The following DCAF10 variants were observed in gnomAD, a reference collection of about 807,000 sequenced individuals.
DCAF10 encodes DDB1 and CUL4 associated factor 10.
DCAF10 carries 19 observed loss-of-function variants against 51.9 expected under a neutral mutation model. That is an observed-to-expected ratio of 0.37 (90% CI 0.26 to 0.54). The LOEUF (loss-of-function observed/expected upper bound fraction) is 0.54. Ranked by LOEUF, DCAF10 falls within the 20% of genes least tolerant of loss-of-function variation. DCAF10 has a pLI of 0.87. For synonymous variants in DCAF10, 291 were observed against 297.1 expected (o/e 0.98, Z 0.21); for missense variants, 510 against 730.6 (o/e 0.70, Z 3.48).
intron 3 of DCAF10, among the ~76,000 whole-genome samples, chr9:37,849,663 A>G (rs1313650650): frequency 1.3e-5 from 2 of 152,250 alleles, no homozygotes; most frequent in South Asian, 2.1e-4. Flanking sequence ...TGGGCAGATC[A>G]TGAGGTCAGG....
chr9:37,825,012 ATCAAGCAG>A (rs1829810617), intron 2 of DCAF10, among the ~76,000 whole-genome samples: 1 of 152,196 alleles, frequency 6.6e-6, no homozygotes, highest in Non-Finnish European at 1.5e-5. Context: ...AAACTGATAA[ATCAAGCAG>A]ATAAAAATTA....
intron 5 of DCAF10, 108 bp from the exon 6 acceptor site, chr9:37,859,940 C>A: frequency 7.5e-7 from 1 of 1,337,540 alleles, no homozygotes; most frequent in Non-Finnish European, 1.1e-6. Context: ...AAGGGGCAGA[C>A]TAAGGAATGA....
At chr9:37,803,237 G>A (rs1829010954) in intron 1 of DCAF10, among the ~76,000 whole-genome samples, 1 of 152,018 alleles carries the variant, frequency 6.6e-6, no homozygotes, top group Non-Finnish European at 1.5e-5. Context: ...GAGATTAAAT[G>A]GATATCTAAG....
intron 2 of DCAF10, chr9:37,836,269 A>G (rs1830163428): frequency 1.3e-6 from 2 of 1,574,664 alleles, no homozygotes; most frequent in South Asian, 1.1e-5. Flanking sequence ...TACGTGGAAT[A>G]TATTCAGCGA....
intron 2 of DCAF10, among the ~76,000 whole-genome samples, chr9:37,835,488 A>G (rs986106848): frequency 6.6e-6 from 1 of 152,074 alleles, no homozygotes. Context: ...CTGAGGCAGG[A>G]GAATGACTTG....
chr9:37,852,394 C>A (rs748107771), intron 3 of DCAF10, among the ~76,000 whole-genome samples: 3 of 152,000 alleles, frequency 2.0e-5, no homozygotes, highest in Non-Finnish European at 4.4e-5. Context: ...ACCAGGAGTT[C>A]CAAGACTAGC....
rs553861911 is a variant in DCAF10, at chr9:37,810,744, G to C, written c.540-8544G>C. Among the ~76,000 whole-genome samples, 8 of 152,288 alleles carry C rather than the reference G, an allele frequency of 5.3e-5. No homozygotes were observed. In the South Asian group the frequency reaches 1.7e-3, roughly 32 times the overall value. On this transcript the variant is annotated intron_variant, in intron 1 of 6. Coordinates refer to ENST00000377724, the MANE Select transcript of DCAF10 (RefSeq NM_024345.5). ...CCCAAAGTGCTGGGATTACAGGCTT[G>C]AGCCACTGCGCCTGGCCTCTGAATG...
In DCAF10 at chr9:37,865,409, T is replaced by C. The variant is rs73451206; in HGVS notation, c.*3901T>C. 1 of 152,334 alleles carries C rather than the reference T, an allele frequency of 6.6e-6. No individual in the cohort carries two copies. The highest frequency in any genetic ancestry group is 2.4e-5 in the African/African-American group (1 of 41,584). 9.4% of individuals were successfully genotyped at this position (152,334 alleles called of 1,614,324 possible). ...GAATTAAAGGGCATTAGGAATGCTA[T>C]AGTATTGGAAGAAATTACATCTTAA... On this transcript the variant is annotated 3_prime_UTR_variant, in exon 7 of 7. Coordinates refer to ENST00000377724, the MANE Select transcript of DCAF10 (RefSeq NM_024345.5).
intron 4 of DCAF10, among the ~76,000 whole-genome samples, chr9:37,855,520 G>C (rs1466219923): frequency 2.0e-5 from 3 of 151,984 alleles, no homozygotes; most frequent in Admixed American, 2.0e-4. Context: ...GAGAATTTAG[G>C]GTTCAGAAAA....
intron 2 of DCAF10, among the ~76,000 whole-genome samples, chr9:37,841,737 A>G (rs1466267269): frequency 6.6e-6 from 1 of 152,188 alleles, no homozygotes; most frequent in Non-Finnish European, 1.5e-5. Context: ...TCTATCGCCT[A>G]TTAAATTCTC....
chr9:37,860,290 G>GC, intron 6 of DCAF10, 97 bp downstream of exon 6: 1 of 1,473,002 alleles, frequency 6.8e-7, no homozygotes, highest in South Asian at 1.3e-5. Flanking sequence ...TGCAGTCTCT[G>GC]CCTTCAAGGG....
At chr9:37,853,152 C>CAAAA (rs557423413) in intron 3 of DCAF10, among the ~76,000 whole-genome samples, 3,554 of 80,684 alleles carry the variant, frequency 0.044, 243 homozygotes, top group African/African-American at 0.15. Context: ...AACTCCGTCT[C>CAAAA]AAAAAAAAAA....
In DCAF10 at chr9:37,842,143, A is replaced by G. The variant is rs1324020533; in HGVS notation, c.708A>G (p.Leu236=). 2 of 1,613,968 alleles carry G rather than the reference A, an allele frequency of 1.2e-6. No homozygotes were observed. The highest frequency in any genetic ancestry group is 8.5e-7 in the Non-Finnish European group (1 of 1,179,930). ...GCTCTGATGACACTACAATAGCACT[A>G]TGGGATCTGAGAAAATTGAACACCA... The part of the protein sequence containing the change: ...ATCSDDTTIA[L]WDLRKLNTKV... Residue 236 remains leucine (L), a synonymous_variant, in exon 3 of 7, where the codon CTA becomes CTG. Coordinates refer to ENST00000377724, the MANE Select transcript of DCAF10 (RefSeq NM_024345.5).
intron 3 of DCAF10, among the ~76,000 whole-genome samples, chr9:37,844,929 A>G (rs1399917951): frequency 6.6e-6 from 1 of 152,268 alleles, no homozygotes; most frequent in Non-Finnish European, 1.5e-5. Context: ...ACCAACAACT[A>G]GTGAAAACAT....
At chr9:37,827,062 G>A (rs545623803) in intron 2 of DCAF10, among the ~76,000 whole-genome samples, 4 of 152,182 alleles carry the variant, frequency 2.6e-5, no homozygotes, top group African/African-American at 9.6e-5. Flanking sequence ...CCGACCTCAG[G>A]TGATCCACCT....
At chr9:37,816,851 G>T (rs1201065936) in intron 1 of DCAF10, among the ~76,000 whole-genome samples, 1 of 152,122 alleles carries the variant, frequency 6.6e-6, no homozygotes, top group Non-Finnish European at 1.5e-5. Flanking sequence ...TAAGTAATCT[G>T]TAAAGTCAGT....
At chr9:37,810,168 T>C (rs1185556755) in intron 1 of DCAF10, among the ~76,000 whole-genome samples, 1 of 148,482 alleles carries the variant, frequency 6.7e-6, no homozygotes, top group Non-Finnish European at 1.5e-5. Flanking sequence ...AAAAAAAAAG[T>C]TGGGGGGACA....
chr9:37,810,936 C>G (rs1829326190), intron 1 of DCAF10, among the ~76,000 whole-genome samples: 1 of 152,134 alleles, frequency 6.6e-6, no homozygotes, highest in African/African-American at 2.4e-5. Flanking sequence ...AGGCCAGCTT[C>G]AAATAATCTC....
At chr9:37,818,120 G>A (rs1309513749) in intron 1 of DCAF10, among the ~76,000 whole-genome samples, 2 of 151,998 alleles carry the variant, frequency 1.3e-5, no homozygotes, top group African/African-American at 4.8e-5. Context: ...AGCCTCCCAA[G>A]TAGCTGGGAC....
Sources: gnomAD v4.1 joint callset for allele counts (sites outside exome capture counted in the v4.1 genomes callset) on GRCh38, gnomAD v4.1.1 for gene constraint, MANE v1.5 for transcripts, NCBI Gene and HGNC (gene_info 2026-07-23, HGNC 2026-07-21) for gene names.